The following DNAH8 variants were observed in gnomAD, a reference collection of about 807,000 sequenced individuals.
The protein encoded by DNAH8 is dynein axonemal heavy chain 8.
A neutral mutation model predicts 562.1 loss-of-function variants in DNAH8; 382 were observed. The ratio of observed to expected loss-of-function variants is 0.68; its 90% CI spans 0.63 to 0.74. The LOEUF is 0.74. DNAH8 is among the 30% of genes least tolerant of loss of function. The pLI is 0.00. For missense variants in DNAH8, 5,203 were observed against 5,620.4 expected (o/e 0.93, Z 2.37); for synonymous variants, 1,881 against 1,919.4 (o/e 0.98, Z 0.52).
intron 11 of DNAH8, chr6:38,763,584 C>T (rs780713421): frequency 4.9e-5 from 9 of 181,870 alleles, no homozygotes; most frequent in Admixed American, 6.2e-5. Flanking sequence ...GAGACCAAGA[C>T]GGGTGGATCC....
chr6:38,763,411 G>T, intron 11 of DNAH8: 1 of 303,128 alleles, frequency 3.3e-6, no homozygotes, highest in South Asian at 3.5e-5. Context: ...GAGAGGGATT[G>T]AAAAGAAGAA....
At chr6:38,857,224 C>T (rs1311804230) in intron 41 of DNAH8, among the ~76,000 whole-genome samples, 2 of 152,166 alleles carry the variant, frequency 1.3e-5, no homozygotes, top group Admixed American at 1.3e-4. Flanking sequence ...AAAATCGTTG[C>T]ATGGAAGTAT....
chr6:38,995,869 C>T (rs1234075585), intron 88 of DNAH8, among the ~76,000 whole-genome samples: 1 of 152,222 alleles, frequency 6.6e-6, no homozygotes, highest in African/African-American at 2.4e-5. Flanking sequence ...TTAATATAAT[C>T]TATCGAGGCA....
At position 38,788,537 on chromosome 6, in the gene DNAH8, G is replaced by A. The variant is rs79748832; in HGVS notation, c.2584-1266G>A. Among the ~76,000 whole-genome samples, 1,494 of 152,226 alleles carry A rather than the reference G, an allele frequency of 9.8e-3. 19 individuals are homozygous for A. Among genetic ancestry groups the A allele is most frequent in the African/African-American group, 0.034 (1,405 of 41,536 alleles). ...TTGTTTCATTTCCCTAATGGCTGGT[G>A]ATTTTTGAGCATCTTTTCATATGCT... On this transcript the variant is annotated intron_variant, in intron 18 of 92. Coordinates refer to ENST00000327475, the MANE Select transcript of DNAH8 (RefSeq NM_001206927.2).
In DNAH8 at chr6:38,737,071, C is replaced by T. The variant is rs776968317; in HGVS notation, c.767C>T (p.Ala256Val). 9.3e-6 allele frequency: 14 copies of T among 1,511,654 alleles called. No individual in the cohort carries two copies. The highest frequency in any genetic ancestry group is 2.8e-5 in the South Asian group (2 of 71,418). 93.6% of individuals were successfully genotyped at this position (1,511,654 alleles called of 1,614,324 possible). ...AINVKTIQEE[A>V]LFTVLDASKG... Reference sequence around the variant, plus strand: ...ATTTAAACTCCACCCTTTCAGGAAGCGCTCTTTACTGTTCTGGATGCGTCG... The same window carrying T: ...ATTTAAACTCCACCCTTTCAGGAAGTGCTCTTTACTGTTCTGGATGCGTCG... Residue 256 changes from alanine to valine, a missense_variant, in exon 6 of 93, where the codon GCG becomes GTG. Ala to Val is a moderately conservative substitution (Grantham distance 64, BLOSUM62 0). Transcript: ENST00000327475.
At chr6:38,808,147 G>A (rs1399292609) in intron 24 of DNAH8, among the ~76,000 whole-genome samples, 2 of 152,190 alleles carry the variant, frequency 1.3e-5, no homozygotes, top group Non-Finnish European at 2.9e-5. Context: ...TGGAGTATAC[G>A]TAGTCTGTTT....
At chr6:38,994,425 G>A (rs1357192951) in intron 88 of DNAH8, among the ~76,000 whole-genome samples, 2 of 149,944 alleles carry the variant, frequency 1.3e-5, no homozygotes, top group African/African-American at 2.4e-5. Context: ...TTCTGTTCTT[G>A]CTGTTGTTAC....
intron 79 of DNAH8, 122 bp downstream of exon 79, chr6:38,939,110 TAA>T (rs1272175975): frequency 2.6e-6 from 2 of 768,584 alleles, no homozygotes; most frequent in Non-Finnish European, 2.0e-6. Context: ...AAAGTTTAAT[TAA>T]GTTTTATTTT....
In DNAH8 at chr6:38,737,906, C is replaced by T. The variant is rs9470924; in HGVS notation, c.1050C>T (p.Ala350=). The change falls in exon 7 of 93, where the codon GCC becomes GCT. Residue 350 remains alanine, a synonymous_variant. Transcript: ENST00000327475. The part of the protein sequence containing the change: ...LHTFEEVTAA[A]SNSETVHQLE... ...CCTTTGAAGAAGTAACTGCTGCAGC[C>T]AGCAACTCAGAAACTGTTCATCAGC... 30,792 of 1,605,436 alleles carry T rather than the reference C, an allele frequency of 0.019. 755 individuals are homozygous for T. Among genetic ancestry groups the T allele is most frequent in the South Asian group, 0.1 (9,139 of 90,162 alleles).
At chr6:38,953,372 A>T (rs1762045891) in intron 82 of DNAH8, among the ~76,000 whole-genome samples, 1 of 152,236 alleles carries the variant, frequency 6.6e-6, no homozygotes, top group African/African-American at 2.4e-5. Flanking sequence ...ATTTGAGAAC[A>T]TAATTAAAAA....
At chr6:38,994,204 T>C (rs1021548063) in intron 88 of DNAH8, among the ~76,000 whole-genome samples, 3 of 152,232 alleles carry the variant, frequency 2.0e-5, no homozygotes, top group African/African-American at 7.2e-5. Flanking sequence ...ATATAGTCTG[T>C]CCATTCCTTT....
At position 38,793,080 on chromosome 6, in the gene DNAH8, C is replaced by A. The variant is rs533432262; in HGVS notation, c.2901+1406C>A. Reference sequence around the variant, plus strand: ...TACAGGTGTGAGCCACCATGCCCAGCCTTAAAATTATTTGTTCTCAGTTTT... The same window carrying A: ...TACAGGTGTGAGCCACCATGCCCAGACTTAAAATTATTTGTTCTCAGTTTT... On this transcript the variant is annotated intron_variant, in intron 21 of 92. Transcript: ENST00000327475. Among the ~76,000 whole-genome samples the A allele has an allele frequency of 1.1e-4, 16 of 152,090 alleles. No homozygotes were observed. In the South Asian group the frequency reaches 3.1e-3, roughly 30 times the overall value.
chr6:38,826,291 G>A lies in DNAH8; in HGVS notation c.3983G>A (p.Arg1328Lys), dbSNP rs780022086. The A allele has an allele frequency of 3.1e-6, 5 of 1,613,122 alleles. No individual in the cohort carries two copies. In the South Asian group the frequency reaches 5.5e-5, roughly 18 times the overall value. The change falls in exon 29 of 93, where the codon AGA (arginine) becomes AAA (lysine). Residue 1328 changes from arginine (R) to lysine (K), a missense_variant. Arg to Lys is a conservative substitution (Grantham distance 26). This residue lies in a region of DNAH8 where 2,176 missense variants were observed against 2,365.1 expected (regional missense o/e 0.92). Transcript: ENST00000327475. ...FINEYLKKLS[R>K]PIRDLDDVRF... ...AATGAATACTTGAAAAAGTTATCTA[G>A]ACCTATTCGTGATTTAGATGATGTC...
At chr6:38,941,118 C>CA (rs1195381294) in intron 79 of DNAH8, among the ~76,000 whole-genome samples, 2 of 145,296 alleles carry the variant, frequency 1.4e-5, no homozygotes, top group African/African-American at 5.1e-5. Flanking sequence ...GACTCTGTCT[C>CA]AGAAAAAAAA....
chr6:38,951,258 CAGAT>C (rs1419794037), intron 81 of DNAH8, 56 bp from the exon 82 acceptor site: 3 of 1,424,120 alleles, frequency 2.1e-6, no homozygotes, highest in Admixed American at 1.7e-5. Flanking sequence ...TTTACTTACT[CAGAT>C]AGGATAAAAA....
chr6:38,867,173 C>A (rs965367334), intron 47 of DNAH8, among the ~76,000 whole-genome samples: 2 of 152,004 alleles, frequency 1.3e-5, no homozygotes, highest in Non-Finnish European at 2.9e-5. Flanking sequence ...GAAATGGACA[C>A]TGAAGCAGTC....
intron 87 of DNAH8, among the ~76,000 whole-genome samples, chr6:38,986,710 A>AT (rs1178381847): frequency 3.3e-5 from 5 of 152,256 alleles, no homozygotes; most frequent in Admixed American, 3.3e-4. Context: ...CAGAATGCTG[A>AT]TGGGATCAAG....
At chr6:38,799,533 A>G (rs1474646539) in intron 21 of DNAH8, among the ~76,000 whole-genome samples, 3 of 152,106 alleles carry the variant, frequency 2.0e-5, no homozygotes, top group Admixed American at 6.5e-5. Context: ...CCCATCTCCT[A>G]TTAATTTTTG....
rs16891203 is a variant in DNAH8, at chr6:38,891,338, T to G, written c.8583+577T>G. 6.2e-3 allele frequency among the ~76,000 whole-genome samples: 944 copies of G among 152,242 alleles called. 10 individuals are homozygous for G. Among genetic ancestry groups the G allele is most frequent in the African/African-American group, 0.021 (887 of 41,514 alleles). ...TAGGGCAGTACTCATGAAAAGGCAA[T>G]TAAGTGTAGGTATGAGATAAAAATG... On this transcript the variant is annotated intron_variant, in intron 58 of 92. Coordinates refer to ENST00000327475, the MANE Select transcript of DNAH8 (RefSeq NM_001206927.2).
Sources: allele counts gnomAD v4.1 joint callset (sites outside exome capture counted in the v4.1 genomes callset), GRCh38; gene constraint gnomAD v4.1.1; regional missense constraint gnomAD v4.1.1; transcripts MANE v1.5; gene names NCBI Gene and HGNC (gene_info 2026-07-23, HGNC 2026-07-21).